DCAF10: variants seen among roughly 807,000 people sequenced by gnomAD.
DCAF10 encodes the protein DDB1 and CUL4 associated factor 10, also known as DDB1- and CUL4-associated factor 10.
A neutral mutation model predicts 51.9 loss-of-function variants in DCAF10; 19 were observed. That is an observed-to-expected ratio of 0.37 (90% CI 0.26 to 0.54). The LOEUF is 0.54. Among genes scored for constraint, DCAF10 ranks in the 20% least tolerant of loss-of-function variants. The probability of loss-of-function intolerance (pLI) is 0.87; values close to 1 mark genes in which losing one functional copy is unlikely to be tolerated. For missense variants in DCAF10, 510 were observed against 730.6 expected (o/e 0.70, Z 3.48); for synonymous variants, 291 against 297.1 (o/e 0.98, Z 0.21).
intron 1 of DCAF10, among the ~76,000 whole-genome samples, chr9:37,812,013 C>T (rs1829362679): frequency 6.6e-6 from 1 of 152,004 alleles, no homozygotes; most frequent in East Asian, 1.9e-4. Context: ...ATGGCAAAAC[C>T]CTGACTCTAC....
Position 37,861,473 on chromosome 9 carries a change from A to G in DCAF10, c.1645A>G (p.Ser549Gly). 2 of 1,612,534 alleles carry G rather than the reference A, an allele frequency of 1.2e-6. No individual in the cohort carries two copies. The highest frequency in any genetic ancestry group is 1.7e-6 in the Non-Finnish European group (2 of 1,178,560). ...THCQIASGCL[S>G]GRVSLYQPKF Reference sequence around the variant, plus strand: ...TTGTCAGATTGCCTCAGGGTGCCTTAGTGGACGGGTTTCTTTGTATCAGCC... The same window carrying G: ...TTGTCAGATTGCCTCAGGGTGCCTTGGTGGACGGGTTTCTTTGTATCAGCC... Residue 549 changes from serine (S) to glycine (G), a missense_variant, in exon 7 of 7, where the codon AGT becomes GGT. Transcript: ENST00000377724. The surrounding 1 kb of genome is among the most constrained non-coding windows in gnomAD (Gnocchi z 4.9).
chr9:37,862,242 A>G lies in DCAF10; in HGVS notation c.*734A>G, dbSNP rs1831038729. On this transcript the variant is annotated 3_prime_UTR_variant, in exon 7 of 7. Coordinates refer to ENST00000377724, the MANE Select transcript of DCAF10 (RefSeq NM_024345.5). Reference sequence around the variant, plus strand: ...TATGAATTTAACATCTCTAGCATGTATCCTTACTTGATATTTTGTTCCTAT... The same window carrying G: ...TATGAATTTAACATCTCTAGCATGTGTCCTTACTTGATATTTTGTTCCTAT... The G allele has an allele frequency of 6.6e-6, 1 of 152,642 alleles. No individual in the cohort carries two copies. The highest frequency in any genetic ancestry group is 2.4e-5 in the African/African-American group (1 of 41,448). 9.5% of individuals were successfully genotyped at this position (152,642 alleles called of 1,614,324 possible).
At chr9:37,809,165 A>G (rs1469288541) in intron 1 of DCAF10, among the ~76,000 whole-genome samples, 1 of 151,970 alleles carries the variant, frequency 6.6e-6, no homozygotes, top group East Asian at 1.9e-4. Context: ...CATGGGTCAA[A>G]GGGGAAATTA....
At chr9:37,830,910 C>T (rs1224635649) in intron 2 of DCAF10, among the ~76,000 whole-genome samples, 3 of 152,130 alleles carry the variant, frequency 2.0e-5, no homozygotes, top group Non-Finnish European at 4.4e-5. Flanking sequence ...TTTTGAAGCT[C>T]GTTTAGAAGT....
At chr9:37,836,728 G>A (rs1170201857) in intron 2 of DCAF10, among the ~76,000 whole-genome samples, 1 of 151,838 alleles carries the variant, frequency 6.6e-6, no homozygotes, top group Admixed American at 6.6e-5. Context: ...ATTTATGTCA[G>A]TTGATGCATC....
chr9:37,846,015 T>A (rs1830462206), intron 3 of DCAF10, among the ~76,000 whole-genome samples: 1 of 152,094 alleles, frequency 6.6e-6, no homozygotes, highest in Non-Finnish European at 1.5e-5. Context: ...TTACATCATG[T>A]ATAAAATTAG....
chr9:37,837,457 C>CAAAAA (rs555983041), intron 2 of DCAF10, among the ~76,000 whole-genome samples: 5 of 85,358 alleles, frequency 5.9e-5, no homozygotes, highest in Admixed American at 1.3e-4. Flanking sequence ...GACTCCATCT[C>CAAAAA]AAAAAAAAAA....
Position 37,860,155 on chromosome 9 carries a change from A to G in DCAF10, c.1273A>G (p.Thr425Ala). ...SLQLHPKGWA[T>A]LLRCSSNSDD... Reference sequence around the variant, plus strand: ...ACAGCTGCACCCAAAAGGCTGGGCCACTCTTCTTCGGTGCTCAAGCAACAG... The same window carrying G: ...ACAGCTGCACCCAAAAGGCTGGGCCGCTCTTCTTCGGTGCTCAAGCAACAG... Residue 425 changes from threonine to alanine, a missense_variant, in exon 6 of 7, where the codon ACT becomes GCT. By Grantham distance (58) the Thr-to-Ala change is moderately conservative. Transcript: ENST00000377724. 1 of 1,613,972 alleles carries G rather than the reference A, an allele frequency of 6.2e-7. No homozygotes were observed. Among genetic ancestry groups the G allele is most frequent in the Non-Finnish European group, 8.5e-7 (1 of 1,179,974 alleles).
chr9:37,812,270 A>G (rs1456391214), intron 1 of DCAF10, among the ~76,000 whole-genome samples: 1 of 152,136 alleles, frequency 6.6e-6, no homozygotes, highest in Non-Finnish European at 1.5e-5. Context: ...ACAAACAACA[A>G]AAAAAAGAAG....
At chr9:37,807,278 A>G (rs910298696) in intron 1 of DCAF10, among the ~76,000 whole-genome samples, 2 of 152,142 alleles carry the variant, frequency 1.3e-5, no homozygotes, top group African/African-American at 2.4e-5. Flanking sequence ...GCTCGAGTTC[A>G]AGACCAGCTG....
At chr9:37,811,108 T>C (rs1252203843) in intron 1 of DCAF10, among the ~76,000 whole-genome samples, 1 of 152,044 alleles carries the variant, frequency 6.6e-6, no homozygotes, top group East Asian at 1.9e-4. Context: ...GGAGGGAAGA[T>C]TAATTGAGGC....
At chr9:37,831,147 G>A (rs191094970) in intron 2 of DCAF10, among the ~76,000 whole-genome samples, 101 of 152,276 alleles carry the variant, frequency 6.6e-4, no homozygotes, top group African/African-American at 2.3e-3. Context: ...AACCCAGGAG[G>A]CAGAGGTTGC....
chr9:37,821,911 T>TA lies in DCAF10; in HGVS notation c.653+2520dup, dbSNP rs1193148730. On this transcript the variant is annotated intron_variant, in intron 2 of 6. Transcript: ENST00000377724. ...AGAATCTACAACAAACTCAAATCAG[T>TA]AAAAAAAAAACAACAATCAATCCCA... is the stretch of plus-strand genomic sequence containing the variant. Among the ~76,000 whole-genome samples, 129 of 143,750 alleles carry TA rather than the reference T, an allele frequency of 9.0e-4. No homozygotes were observed. The Middle Eastern group carries it at 0.011, about 12-fold the overall frequency. 94.3% of individuals were successfully genotyped at this position (143,750 alleles called of 152,430 possible).
intron 3 of DCAF10, among the ~76,000 whole-genome samples, chr9:37,851,662 G>A (rs760213959): frequency 2.0e-5 from 3 of 151,354 alleles, no homozygotes; most frequent in African/African-American, 2.4e-5. Flanking sequence ...GGGCGTGATG[G>A]CAGGCGCTTG....
In DCAF10 at chr9:37,861,513, A is replaced by T. The variant is rs1322292642; in HGVS notation, c.*5A>T. ...TTGTATCAGCCAAAGTTTTAGGCAC[A>T]ACTTACATCAAATAAGGAACTCTTC... On this transcript the variant is annotated 3_prime_UTR_variant, in exon 7 of 7. Coordinates refer to ENST00000377724, the MANE Select transcript of DCAF10 (RefSeq NM_024345.5). The surrounding 1 kb of genome is among the most constrained non-coding windows in gnomAD (Gnocchi z 4.9). 14 of 1,598,940 alleles carry T rather than the reference A, an allele frequency of 8.8e-6. No individual in the cohort carries two copies. The highest frequency in any genetic ancestry group is 1.2e-5 in the Non-Finnish European group (14 of 1,168,692).
In DCAF10 at chr9:37,860,057, C is replaced by T. The variant is rs758804628; in HGVS notation, c.1175C>T (p.Pro392Leu). ...TTTTCTTATATCTCAGGAGTTTCAC[C>T]ACGAAATAGTCTTGAAGTCGTAACC... ...SRASQREGVS[P>L]RNSLEVVTPE... Residue 392 changes from proline to leucine, a missense_variant, in exon 6 of 7, where the codon CCA (proline) becomes CTA (leucine). Pro to Leu is a moderately conservative substitution (Grantham distance 98). Transcript: ENST00000377724. 6 of 1,613,848 alleles carry T rather than the reference C, an allele frequency of 3.7e-6. No homozygotes were observed. In the South Asian group the frequency reaches 6.6e-5, roughly 18 times the overall value.
At chr9:37,832,179 T>C (rs1357647775) in intron 2 of DCAF10, 6 of 144,932 alleles carry the variant, frequency 4.1e-5, no homozygotes, top group African/African-American at 1.5e-4. Context: ...CCATTTAGGC[T>C]GTGCATGGTA....
chr9:37,804,168 T>C (rs1829040789), intron 1 of DCAF10, among the ~76,000 whole-genome samples: 1 of 151,314 alleles, frequency 6.6e-6, no homozygotes, highest in Admixed American at 6.6e-5. Context: ...AACACAGAGA[T>C]TGAAAATATG....
At chr9:37,806,071 C>T (rs1589072566) in intron 1 of DCAF10, among the ~76,000 whole-genome samples, 1 of 152,050 alleles carries the variant, frequency 6.6e-6, no homozygotes, top group East Asian at 1.9e-4. Context: ...GCAACAGAGA[C>T]CCTGTCTTGC....
Sources: allele counts gnomAD v4.1 joint callset (sites outside exome capture counted in the v4.1 genomes callset), GRCh38; gene constraint gnomAD v4.1.1; non-coding constraint Gnocchi (gnomAD v3.1); transcripts MANE v1.5; gene names NCBI Gene and HGNC (gene_info 2026-07-23, HGNC 2026-07-21).